OR13G1: variants seen among roughly 807,000 people sequenced by gnomAD.
OR13G1 encodes olfactory receptor 13G1.
For synonymous variants in OR13G1, 128 were observed against 136.2 expected (o/e 0.94, Z 0.42); for missense variants, 369 against 385.7 (o/e 0.96, Z 0.36).
At position 247,672,890 on chromosome 1, in the gene OR13G1, G is replaced by C; in HGVS notation, c.152C>G (p.Thr51Ser). 1 of 1,614,034 alleles carries C rather than the reference G, an allele frequency of 6.2e-7. No individual in the cohort carries two copies. Among genetic ancestry groups the C allele is most frequent in the Admixed American group, 1.7e-5 (1 of 59,976 alleles). Residue 51 changes from threonine (T) to serine (S), a missense_variant, in exon 2 of 2, where the codon ACC becomes AGC. Transcript: ENST00000642119. ...GAAAACATACATGGGCGTATGCAAGGTGTTGTTATAGATTTTGGCAATGAT... is the reference window on the plus strand; with the variant it reads ...GAAAACATACATGGGCGTATGCAAGCTGTTGTTATAGATTTTGGCAATGAT... ...LIIIAKIYNN[T>S]LHTPMYVFLL...
chr1:247,674,038 C>A (rs1659270500), intron 1 of OR13G1, among the ~76,000 whole-genome samples: 1 of 152,062 alleles, frequency 6.6e-6, no homozygotes, highest in South Asian at 2.1e-4. Context: ...TTTCTGTTTT[C>A]TTTTACTTTC....
chr1:247,672,545 C>G lies in OR13G1; in HGVS notation c.497G>C (p.Cys166Ser), dbSNP rs1558292748. ...HTALIMRLTF[C>S]GPNTIDHFFC... Reference sequence around the variant, plus strand: ...GAAGTGGTCAATGGTGTTTGGCCCACAGAAAGTCAACCTCATGATAAGAGC... The same window carrying G: ...GAAGTGGTCAATGGTGTTTGGCCCAGAGAAAGTCAACCTCATGATAAGAGC... The change falls in exon 2 of 2, where the codon TGT becomes TCT. Residue 166 changes from cysteine to serine, a missense_variant. Coordinates refer to ENST00000642119, the MANE Select transcript of OR13G1 (RefSeq NM_001005487.2). The G allele has an allele frequency of 1.2e-6, 2 of 1,614,078 alleles. No individual in the cohort carries two copies. The highest frequency in any genetic ancestry group is 1.7e-6 in the Non-Finnish European group (2 of 1,180,004).
intron 1 of OR13G1, 113 bp from the exon 2 acceptor site, chr1:247,673,392 A>T (rs1363757433): frequency 4.3e-6 from 1 of 230,216 alleles, no homozygotes; most frequent in Admixed American, 5.2e-5. Context: ...ATATATACAC[A>T]CACATATGTA....
At position 247,671,820 on chromosome 1, in the gene OR13G1, A is replaced by G. The variant is rs1659209474; in HGVS notation, c.*298T>C. 3.1e-6 allele frequency: 1 copy of G among 324,516 alleles called. No individual in the cohort carries two copies. The highest frequency in any genetic ancestry group is 2.1e-5 in the African/African-American group (1 of 47,496). 20.1% of individuals were successfully genotyped at this position (324,516 alleles called of 1,614,324 possible). ...GCATGTATGATGTGCACATGCACAT[A>G]TAGGTAAATATTTGTGTATATGCAT... On this transcript the variant is annotated 3_prime_UTR_variant, in exon 2 of 2. Coordinates refer to ENST00000642119, the MANE Select transcript of OR13G1 (RefSeq NM_001005487.2).
Position 247,672,520 on chromosome 1 carries a change from G to A in OR13G1, c.522C>T (p.Phe174=). The part of the protein sequence containing the change: ...TFCGPNTIDH[F]FCEIPPLLAL... ...CCAGCAATGGGGGTATCTCACAGAA[G>A]AAGTGGTCAATGGTGTTTGGCCCAC... is the stretch of plus-strand genomic sequence containing the variant. The change falls in exon 2 of 2, where the codon TTC becomes TTT. Residue 174 remains phenylalanine (F), a synonymous_variant. Coordinates refer to ENST00000642119, the MANE Select transcript of OR13G1 (RefSeq NM_001005487.2). The A allele has an allele frequency of 1.2e-6, 2 of 1,614,146 alleles. No homozygotes were observed. Among genetic ancestry groups the A allele is most frequent in the Non-Finnish European group, 8.5e-7 (1 of 1,180,002 alleles).
chr1:247,673,291 G>T lies in OR13G1; in HGVS notation c.-238-12C>A. The T allele has an allele frequency of 2.3e-6, 1 of 443,726 alleles. No individual in the cohort carries two copies. Among genetic ancestry groups the T allele is most frequent in the Non-Finnish European group, 4.0e-6 (1 of 251,428 alleles). The allele number at this position is 443,726 out of a possible 1,614,324, so 27.5% of individuals were successfully genotyped here. ...ATTGATGACTCAAACTGAAGCCAGT[G>T]GTTGAGAAGAAAAATATTTTCAAAA... is the stretch of plus-strand genomic sequence containing the variant. On this transcript the variant is annotated splice_polypyrimidine_tract_variant and intron_variant, in intron 1 of 1. Transcript: ENST00000642119.
chr1:247,673,387 T>C (rs28561637), intron 1 of OR13G1, 108 bp from the exon 2 acceptor site: 117 of 152,406 alleles, frequency 7.7e-4, no homozygotes, highest in African/African-American at 1.9e-3. Context: ...TATATATATA[T>C]ACACACACAT....
chr1:247,674,330 T>C (rs953206507), intron 1 of OR13G1, among the ~76,000 whole-genome samples: 1 of 152,232 alleles, frequency 6.6e-6, no homozygotes, highest in African/African-American at 2.4e-5. Flanking sequence ...TTTATCAATG[T>C]TCTTTAAGTT....
In OR13G1 at chr1:247,672,961, A is replaced by C; in HGVS notation, c.81T>G (p.Phe27Leu). The C allele has an allele frequency of 6.2e-7, 1 of 1,614,056 alleles. No individual in the cohort carries two copies. The highest frequency in any genetic ancestry group is 8.5e-7 in the Non-Finnish European group (1 of 1,179,942). The change falls in exon 2 of 2, where the codon TTT (phenylalanine) becomes TTG (leucine). Residue 27 changes from phenylalanine (F) to leucine (L), a missense_variant. By Grantham distance (22) the Phe-to-Leu change is conservative. Coordinates refer to ENST00000642119, the MANE Select transcript of OR13G1 (RefSeq NM_001005487.2). ...AAGCCACAAGATAGACAATGAGAAA[A>C]AAGAGGAAGATAATTCCCTGGAGTT... ...KPELQGIIFL[F>L]FLIVYLVAFL...
intron 1 of OR13G1, 25 bp from the exon 2 acceptor site, chr1:247,673,304 A>G (rs763957537): frequency 2.6e-5 from 11 of 421,510 alleles, no homozygotes; most frequent in South Asian, 1.6e-4. Flanking sequence ...TGAGAAGAAA[A>G]ATATTTTCAA....
At chr1:247,679,525 T>TGTGCGC (rs764457162) in intron 1 of OR13G1, 115 bp downstream of exon 1, 1 of 133,426 alleles carries the variant, frequency 7.5e-6, no homozygotes, top group African/African-American at 2.7e-5. Flanking sequence ...TGTGTGTGTG[T>TGTGCGC]GCGCGCTATG....
intron 1 of OR13G1, among the ~76,000 whole-genome samples, chr1:247,677,191 C>G (rs1659361905): frequency 6.6e-6 from 1 of 152,036 alleles, no homozygotes; most frequent in South Asian, 2.1e-4. Context: ...TGCAGTGAGC[C>G]GAGATTGTGC....
chr1:247,673,514 G>A (rs1659252326), intron 1 of OR13G1, among the ~76,000 whole-genome samples: 1 of 151,990 alleles, frequency 6.6e-6, no homozygotes, highest in Admixed American at 6.6e-5. Flanking sequence ...ATATACACGA[G>A]CAAAGATACT....
At chr1:247,673,926 A>G (rs1355985883) in intron 1 of OR13G1, among the ~76,000 whole-genome samples, 4 of 152,174 alleles carry the variant, frequency 2.6e-5, no homozygotes, top group Non-Finnish European at 5.9e-5. Context: ...AAGGATACCC[A>G]AGCATAAATG....
chr1:247,672,061 T>G lies in OR13G1; in HGVS notation c.*57A>C. 1.2e-4 allele frequency: 168 copies of G among 1,386,036 alleles called. No individual in the cohort carries two copies. Among genetic ancestry groups the G allele is most frequent in the Middle Eastern group, 1.8e-4 (1 of 5,406 alleles). 85.9% of individuals were successfully genotyped at this position (1,386,036 alleles called of 1,614,324 possible). A position where few individuals can be genotyped will look rare whatever the true frequency, so the allele number is the denominator to read the frequency against. Reference sequence around the variant, plus strand: ...GTAAGTATGAAAAACCAGTAAAATCTGAGATGCTCTAGAAGATGGTTCTGG... The same window carrying G: ...GTAAGTATGAAAAACCAGTAAAATCGGAGATGCTCTAGAAGATGGTTCTGG... On this transcript the variant is annotated 3_prime_UTR_variant, in exon 2 of 2. Transcript: ENST00000642119.
At chr1:247,679,021 A>C (rs1033423646) in intron 1 of OR13G1, among the ~76,000 whole-genome samples, 1 of 111,576 alleles carries the variant, frequency 9.0e-6, no homozygotes, top group Admixed American at 1.1e-4. Context: ...TTTTGGAAGA[A>C]ATCTTTTTTT....
rs1659212876 is a variant in OR13G1 at position 247,671,989 on chromosome 1, G to T, written c.*129C>A. The T allele has an allele frequency of 5.7e-6, 4 of 703,232 alleles. No individual in the cohort carries two copies. Among genetic ancestry groups the T allele is most frequent in the Non-Finnish European group, 9.3e-6 (4 of 428,020 alleles). 43.6% of individuals were successfully genotyped at this position (703,232 alleles called of 1,614,324 possible). On this transcript the variant is annotated 3_prime_UTR_variant, in exon 2 of 2. Coordinates refer to ENST00000642119, the MANE Select transcript of OR13G1 (RefSeq NM_001005487.2). ...ACAGAATTTTGGAGACAATGAGACT[G>T]CTAGGAAGAAGGCAGGAATAAGAGG...
At chr1:247,679,221 T>C (rs1176007) in intron 1 of OR13G1, among the ~76,000 whole-genome samples, 127,921 of 151,978 alleles carry the variant, frequency 0.84, 53,971 homozygotes, top group East Asian at 0.98. Flanking sequence ...ATTCTTAAAC[T>C]ATTTAGCTAA....
chr1:247,674,686 C>T (rs1659306751), intron 1 of OR13G1, among the ~76,000 whole-genome samples: 1 of 152,130 alleles, frequency 6.6e-6, no homozygotes, highest in Non-Finnish European at 1.5e-5. Context: ...CTCACAAGCA[C>T]ATTGAGTCTT....
Sources: allele counts gnomAD v4.1 joint callset (sites outside exome capture counted in the v4.1 genomes callset), GRCh38; gene constraint gnomAD v4.1.1; transcripts MANE v1.5; gene names NCBI Gene and HGNC (gene_info 2026-07-23, HGNC 2026-07-21).